CEP70: variants seen among roughly 807,000 people sequenced by gnomAD.
CEP70 encodes centrosomal protein of 70 kDa.
CEP70 carries 70 observed loss-of-function variants against 90.9 expected under a neutral mutation model. That is an observed-to-expected ratio of 0.77 (90% CI 0.64 to 0.94). CEP70 has a LOEUF of 0.94. Ranked by LOEUF, CEP70 falls within the 40% of genes least tolerant of loss-of-function variation. The pLI is 0.00. For synonymous variants in CEP70, 220 were observed against 228.3 expected (o/e 0.96, Z 0.33); for missense variants, 648 against 669.0 (o/e 0.97, Z 0.35).
intron 8 of CEP70, among the ~76,000 whole-genome samples, chr3:138,529,896 A>G (rs1220828242): frequency 1.3e-5 from 2 of 152,226 alleles, no homozygotes; most frequent in African/African-American, 2.4e-5. Context: ...AATGTAGATC[A>G]TAAGTGGAAA....
At chr3:138,504,375 TCTG>T (rs779081191) in intron 13 of CEP70, among the ~76,000 whole-genome samples, 18 of 152,204 alleles carry the variant, frequency 1.2e-4, no homozygotes, top group Non-Finnish European at 2.4e-4. Context: ...AATATAATAT[TCTG>T]CTTCATTCCT....
At chr3:138,504,444 GAACA>G (rs1224249995) in intron 13 of CEP70, among the ~76,000 whole-genome samples, 1 of 152,088 alleles carries the variant, frequency 6.6e-6, no homozygotes, top group Non-Finnish European at 1.5e-5. Context: ...GGACATATCA[GAACA>G]AATAAAAACA....
intron 6 of CEP70, among the ~76,000 whole-genome samples, chr3:138,554,565 A>G (rs2039859475): frequency 6.6e-6 from 1 of 152,118 alleles, no homozygotes. Flanking sequence ...ATACCTAGAA[A>G]ACTCCTTAGA....
intron 11 of CEP70, among the ~76,000 whole-genome samples, chr3:138,523,274 A>G (rs1217733596): frequency 6.6e-6 from 1 of 152,232 alleles, no homozygotes; most frequent in Non-Finnish European, 1.5e-5. Flanking sequence ...TATCATACTG[A>G]ATGGGCAAAA....
chr3:138,539,349 C>A (rs1295427386), intron 6 of CEP70, among the ~76,000 whole-genome samples: 2 of 152,128 alleles, frequency 1.3e-5, no homozygotes, highest in African/African-American at 4.8e-5. Context: ...CATGTTATAT[C>A]TCTATATTCC....
At chr3:138,570,627 C>G (rs2041108814) in intron 5 of CEP70, 129 bp from the exon 6 acceptor site, 2 of 693,908 alleles carry the variant, frequency 2.9e-6, no homozygotes, top group Non-Finnish European at 4.7e-6. Context: ...ATGCTTGGAA[C>G]CAGAAGTGAT....
At chr3:138,531,512 A>G (rs1012669492) in intron 8 of CEP70, 1 of 152,158 alleles carries the variant, frequency 6.6e-6, no homozygotes, top group Non-Finnish European at 1.5e-5. Context: ...ATTTTGTGCT[A>G]CAACAGCCGA....
At position 138,552,163 on chromosome 3, in the gene CEP70, C is replaced by T. The variant is rs1438805008; in HGVS notation, c.466-14816G>A. ...TATATGTACCTAACCCTGGTGTTCC[C>T]AAATTTATGAAACAACTACTACTAG... On this transcript the variant is annotated intron_variant, in intron 6 of 17. Transcript: ENST00000264982. Among the ~76,000 whole-genome samples the T allele has an allele frequency of 2.0e-5, 3 of 152,072 alleles. No individual in the cohort carries two copies. In the East Asian group the frequency reaches 5.8e-4, roughly 29 times the overall value.
rs956007179 is a variant in CEP70 at position 138,517,443 on chromosome 3, G to A, written c.944+8047C>T. 2.8e-5 allele frequency among the ~76,000 whole-genome samples: 4 copies of A among 145,016 alleles called. No homozygotes were observed. The East Asian group carries it at 6.2e-4, about 23-fold the overall frequency. On this transcript the variant is annotated intron_variant, in intron 11 of 17. Coordinates refer to ENST00000264982, the MANE Select transcript of CEP70 (RefSeq NM_024491.4). ...CCAGCACTTTGGGAGGCAGAGGCGG[G>A]TGGATCACGAGGTCAGGAGATCCAC...
chr3:138,496,566 C>T (rs993856308), intron 17 of CEP70: 19 of 985,128 alleles, frequency 1.9e-5, no homozygotes, highest in African/African-American at 1.6e-4. Flanking sequence ...GGACCTTGGC[C>T]GATATGGGAA....
At position 138,494,888 on chromosome 3, in the gene CEP70, T is replaced by C; in HGVS notation, c.*127A>G. On this transcript the variant is annotated 3_prime_UTR_variant, in exon 18 of 18. Transcript: ENST00000264982. ...ATTATACAGATGAAGAATGACCTAA[T>C]ACTAAGAAGGGGATGAATTCTGAGA... is the stretch of plus-strand genomic sequence containing the variant. 1 of 609,130 alleles carries C rather than the reference T, an allele frequency of 1.6e-6. No individual in the cohort carries two copies. Among genetic ancestry groups the C allele is most frequent in the Non-Finnish European group, 2.9e-6 (1 of 340,078 alleles). The allele number at this position is 609,130 out of a possible 1,614,324, so 37.7% of individuals were successfully genotyped here.
At chr3:138,498,176 A>T (rs2034120835) in intron 16 of CEP70, 66 bp from the exon 17 acceptor site, 2 of 1,132,836 alleles carry the variant, frequency 1.8e-6, no homozygotes, top group Non-Finnish European at 2.6e-6. Flanking sequence ...GATTGCAAAC[A>T]GAACATTTTC....
At chr3:138,583,614 A>G (rs2041971357) in intron 2 of CEP70, among the ~76,000 whole-genome samples, 1 of 152,194 alleles carries the variant, frequency 6.6e-6, no homozygotes, top group Admixed American at 6.5e-5. Flanking sequence ...ATCTTCTCTG[A>G]CCACAATGGA....
intron 6 of CEP70, among the ~76,000 whole-genome samples, chr3:138,545,458 A>G (rs1226933298): frequency 6.6e-6 from 1 of 152,194 alleles, no homozygotes; most frequent in Non-Finnish European, 1.5e-5. Flanking sequence ...TCACCTCAGG[A>G]CCACTATTGT....
rs2033858243 is a variant in CEP70 at position 138,494,730 on chromosome 3, T to G, written c.*285A>C. 4.4e-6 allele frequency: 1 copy of G among 226,620 alleles called. No individual in the cohort carries two copies. Among genetic ancestry groups the G allele is most frequent in the Admixed American group, 5.8e-5 (1 of 17,218 alleles). The allele number at this position is 226,620 out of a possible 1,614,324, so 14.0% of individuals were successfully genotyped here. A position where few individuals can be genotyped will look rare whatever the true frequency, so the allele number is the denominator to read the frequency against. ...AATCTGTCTCCCTGGGCTCCTCTTTTACTCACAAACTCCACTCTAAAACAA... is the reference window on the plus strand; with the variant it reads ...AATCTGTCTCCCTGGGCTCCTCTTTGACTCACAAACTCCACTCTAAAACAA... On this transcript the variant is annotated 3_prime_UTR_variant, in exon 18 of 18. Coordinates refer to ENST00000264982, the MANE Select transcript of CEP70 (RefSeq NM_024491.4).
At chr3:138,563,692 A>G (rs1046987943) in intron 6 of CEP70, among the ~76,000 whole-genome samples, 24 of 152,244 alleles carry the variant, frequency 1.6e-4, no homozygotes, top group Non-Finnish European at 3.1e-4. Context: ...GGACACATTT[A>G]AAGCAGTGTG....
intron 6 of CEP70, among the ~76,000 whole-genome samples, chr3:138,551,217 C>T (rs2039588205): frequency 6.6e-6 from 1 of 152,182 alleles, no homozygotes; most frequent in African/African-American, 2.4e-5. Context: ...GTATATTTAG[C>T]CTCCTTAAAC....
intron 2 of CEP70, among the ~76,000 whole-genome samples, chr3:138,582,052 A>G (rs1167772525): frequency 6.6e-6 from 1 of 152,264 alleles, no homozygotes; most frequent in East Asian, 1.9e-4. Context: ...CAGACAAACA[A>G]AAGCTGAGGA....
chr3:138,500,904 TG>T, intron 13 of CEP70, 23 bp from the exon 14 acceptor site: 1 of 1,250,092 alleles, frequency 8.0e-7, no homozygotes, highest in Non-Finnish European at 1.1e-6. Flanking sequence ...AGAAACTATA[TG>T]GTATTATTGA....
Sources: allele counts gnomAD v4.1 joint callset (sites outside exome capture counted in the v4.1 genomes callset), GRCh38; gene constraint gnomAD v4.1.1; transcripts MANE v1.5; gene names NCBI Gene and HGNC (gene_info 2026-07-23, HGNC 2026-07-21).